Variants in NR2E1 observed in about 807,000 individuals in gnomAD.
The protein encoded by NR2E1 is nuclear receptor TLX.
A neutral mutation model predicts 43.6 loss-of-function variants in NR2E1; 5 were observed. The observed-to-expected ratio is 0.11, with a 90% confidence interval of 0.06 to 0.24. The LOEUF (loss-of-function observed/expected upper bound fraction) is 0.24, where lower values mean the gene tolerates loss of function less well. NR2E1 is among the 10% of genes least tolerant of loss of function. NR2E1 has a pLI of 1.00. For synonymous variants in NR2E1, 191 were observed against 195.5 expected, an observed-to-expected ratio of 0.98 and a Z score of 0.19; for missense variants, 287 against 496.7, an observed-to-expected ratio of 0.58 and a Z score of 4.01.
At position 108,171,601 on chromosome 6, in the gene NR2E1, C is replaced by G. The variant is rs1250714320; in HGVS notation, c.169C>G (p.Gln57Glu). 3 of 1,613,954 alleles carry G rather than the reference C, an allele frequency of 1.9e-6. No homozygotes were observed. Among genetic ancestry groups the G allele is most frequent in the Non-Finnish European group, 2.5e-6 (3 of 1,180,046 alleles). The change falls in exon 2 of 9, where the codon CAG (glutamine) becomes GAG (glutamate). Residue 57 changes from glutamine to glutamate, a missense_variant and splice_region_variant. Coordinates refer to ENST00000368986, the MANE Select transcript of NR2E1 (RefSeq NM_003269.5). ...GACCTATGTCTGCAAATCTGGAAAC[C>G]AGGTACCTTAGCCAGGGCTGCACTG... The part of the protein sequence containing the change: ...NRTYVCKSGN[Q>E]GGCPVDKTHR...
intron 4 of NR2E1, among the ~76,000 whole-genome samples, chr6:108,177,868 G>C (rs1773924806): frequency 6.6e-6 from 1 of 152,152 alleles, no homozygotes; most frequent in Non-Finnish European, 1.5e-5. Flanking sequence ...GAAGGGAGAG[G>C]CTCCCAAAGA....
chr6:108,171,496 C>A lies in NR2E1; in HGVS notation c.64C>A (p.Arg22Ser), dbSNP rs915597525. The stretch of plus-strand genomic sequence containing the variant: ...TATCCCCTGCAAAGTGTGTGGCGAC[C>A]GCAGCTCGGGGAAGCACTACGGGGT... ...LDIPCKVCGD[R>S]SSGKHYGVYA... is the part of the protein sequence containing the mutation. Residue 22 changes from arginine (R) to serine (S), a missense_variant, in exon 2 of 9, where the codon CGC becomes AGC. Coordinates refer to ENST00000368986, the MANE Select transcript of NR2E1 (RefSeq NM_003269.5). 1 of 1,613,928 alleles carries A rather than the reference C, an allele frequency of 6.2e-7. No homozygotes were observed.
At chr6:108,171,858 T>C (rs1472244593) in intron 2 of NR2E1, among the ~76,000 whole-genome samples, 2 of 152,156 alleles carry the variant, frequency 1.3e-5, no homozygotes, top group Non-Finnish European at 2.9e-5. Flanking sequence ...TTTTAAATTA[T>C]TATTATTCTG....
rs141465060 is a variant in NR2E1, at chr6:108,169,189, G to T, written c.26-2269G>T. ...GCCCGCTATGCCCCGGAATTTTCGC[G>T]TCCCTCCCTCCTGGGCCCCGCCCCA... is the stretch of plus-strand genomic sequence containing the variant. On this transcript the variant is annotated intron_variant, in intron 1 of 8. Coordinates refer to ENST00000368986, the MANE Select transcript of NR2E1 (RefSeq NM_003269.5). The surrounding 1 kb of genome is among the most constrained non-coding windows in gnomAD (Gnocchi z 6.1). Among the ~76,000 whole-genome samples the T allele has an allele frequency of 2.0e-5, 3 of 152,160 alleles. No homozygotes were observed. The highest frequency in any genetic ancestry group is 2.1e-4 in the South Asian group (1 of 4,832).
chr6:108,179,205 A>G (rs1393190119), intron 5 of NR2E1: 1 of 152,186 alleles, frequency 6.6e-6, no homozygotes, highest in Admixed American at 6.5e-5. Flanking sequence ...TCTTGTTTTC[A>G]TGGCCTGCCC....
In NR2E1 at chr6:108,171,478, T is replaced by G; in HGVS notation, c.46T>G (p.Cys16Gly). The change falls in exon 2 of 9, where the codon TGC becomes GGC. Residue 16 changes from cysteine (C) to glycine (G), a missense_variant. Transcript: ENST00000368986. ...GSTSRILDIP[C>G]KVCGDRSSGK... ...TTCAGGCCGCATTTTAGATATCCCCTGCAAAGTGTGTGGCGACCGCAGCTC... is the reference window on the plus strand; with the variant it reads ...TTCAGGCCGCATTTTAGATATCCCCGGCAAAGTGTGTGGCGACCGCAGCTC... The G allele has an allele frequency of 6.2e-7, 1 of 1,613,928 alleles. No homozygotes were observed. Among genetic ancestry groups the G allele is most frequent in the Non-Finnish European group, 8.5e-7 (1 of 1,180,000 alleles).
rs766203121 is a variant in NR2E1 at position 108,182,241 on chromosome 6, CAAAAAAAAAAAA to C, written c.995+600_995+611del. On this transcript the variant is annotated intron_variant, in intron 8 of 8. Transcript: ENST00000368986. ...TGGGCGACAGAGCGAGACTCCGTCT[CAAAAAAAAAAAA>C]AAAAAAAAAGAAGCTCAAAGTGTAA... 5.4e-3 allele frequency among the ~76,000 whole-genome samples: 403 copies of C among 74,322 alleles called. 3 individuals carry two copies. Among genetic ancestry groups the C allele is most frequent in the African/African-American group, 0.016 (371 of 23,612 alleles). 48.8% of individuals were successfully genotyped at this position (74,322 alleles called of 152,430 possible).
In NR2E1 at chr6:108,169,890, T is replaced by C. The variant is rs1213579075; in HGVS notation, c.26-1568T>C. Among the ~76,000 whole-genome samples, 3 of 152,044 alleles carry C rather than the reference T, an allele frequency of 2.0e-5. No individual in the cohort carries two copies. Among genetic ancestry groups the C allele is most frequent in the Non-Finnish European group, 4.4e-5 (3 of 67,982 alleles). ...TTTTGACGGGTCACTGGTGGCTCTATAGGCAGGTGCTGCCGCGGGGTTGTA... is the reference window on the plus strand; with the variant it reads ...TTTTGACGGGTCACTGGTGGCTCTACAGGCAGGTGCTGCCGCGGGGTTGTA... On this transcript the variant is annotated intron_variant, in intron 1 of 8. Coordinates refer to ENST00000368986, the MANE Select transcript of NR2E1 (RefSeq NM_003269.5). This position sits in a 1 kb window ranked among gnomAD's most constrained non-coding sequence, Gnocchi z 6.1.
Position 108,180,683 on chromosome 6 carries a change from A to G in NR2E1, c.740-124A>G, listed in dbSNP as rs1773969602. On this transcript the variant is annotated intron_variant, in intron 6 of 8. Coordinates refer to ENST00000368986, the MANE Select transcript of NR2E1 (RefSeq NM_003269.5). The surrounding 1 kb of genome is among the most constrained non-coding windows in gnomAD (Gnocchi z 5.4). ...CTTTCATACAATATAGCCGGTTTAC[A>G]TGGAATCAGATATCTTAGAGTGACA... The G allele has an allele frequency of 1.1e-6, 1 of 940,530 alleles. No homozygotes were observed. The highest frequency in any genetic ancestry group is 1.7e-6 in the Non-Finnish European group (1 of 595,918). The allele number at this position is 940,530 out of a possible 1,614,324, so 58.3% of individuals were successfully genotyped here. A position where few individuals can be genotyped will look rare whatever the true frequency, so the allele number is the denominator to read the frequency against.
Position 108,180,490 on chromosome 6 carries a change from A to G in NR2E1, c.739+71A>G. The G allele has an allele frequency of 9.5e-7, 1 of 1,057,522 alleles. No homozygotes were observed. Among genetic ancestry groups the G allele is most frequent in the Non-Finnish European group, 1.5e-6 (1 of 673,042 alleles). The allele number at this position is 1,057,522 out of a possible 1,614,324, so 65.5% of individuals were successfully genotyped here. The stretch of plus-strand genomic sequence containing the variant: ...AAAATACATTACTGAAAAAAGAACA[A>G]CATGTAAAGAATAACAAATTCCTGC... On this transcript the variant is annotated intron_variant, in intron 6 of 8. Coordinates refer to ENST00000368986, the MANE Select transcript of NR2E1 (RefSeq NM_003269.5). The surrounding 1 kb of genome is among the most constrained non-coding windows in gnomAD (Gnocchi z 5.4).
rs1351659552 is a variant in NR2E1 at position 108,187,394 on chromosome 6, C to CA, written c.1096dup (p.Thr366AsnfsTer19). The stretch of plus-strand genomic sequence containing the variant: ...CATCAACTATAGAAGAAGTGTTTTT[C>CA]AAAAAAACCATCGGCAATGTGCCAA... On this transcript the variant is annotated frameshift_variant, in exon 9 of 9. Transcript: ENST00000368986. LOFTEE classifies it high-confidence loss of function. 6.2e-7 allele frequency: 1 copy of CA among 1,613,870 alleles called. No homozygotes were observed. Among genetic ancestry groups the CA allele is most frequent in the Non-Finnish European group, 8.5e-7 (1 of 1,179,942 alleles).
At chr6:108,181,700 G>A in intron 8 of NR2E1, 49 bp downstream of exon 8, 1 of 1,374,330 alleles carries the variant, frequency 7.3e-7, no homozygotes, top group Non-Finnish European at 1.0e-6. Flanking sequence ...TGCCTCCATT[G>A]TGAATGCCTG....
rs1398408062 is a variant in NR2E1, at chr6:108,188,599, G to GA, written c.*1139dup. The GA allele has an allele frequency of 6.7e-6, 1 of 150,078 alleles. No homozygotes were observed. Among genetic ancestry groups the GA allele is most frequent in the Admixed American group, 6.7e-5 (1 of 15,004 alleles). 9.3% of individuals were successfully genotyped at this position (150,078 alleles called of 1,614,324 possible). A position where few individuals can be genotyped will look rare whatever the true frequency, so the allele number is the denominator to read the frequency against. ...CCTTTGGTATGACTCTATACTTATG[G>GA]AAATGTAGAAACAAACATTTTTAAA... On this transcript the variant is annotated 3_prime_UTR_variant, in exon 9 of 9. Transcript: ENST00000368986.
chr6:108,174,786 C>A, intron 2 of NR2E1, 50 bp from the exon 3 acceptor site: 2 of 1,534,398 alleles, frequency 1.3e-6, no homozygotes, highest in Non-Finnish European at 1.8e-6. Flanking sequence ...GGCTCCGGGT[C>A]TCCAGCCTAA....
intron 7 of NR2E1, 76 bp downstream of exon 7, chr6:108,181,032 G>T: frequency 6.7e-7 from 1 of 1,486,650 alleles, no homozygotes; most frequent in South Asian, 1.1e-5. Flanking sequence ...CTCGAAGTCT[G>T]AACTGACCTT....
At chr6:108,181,069 G>A (rs1352259603) in intron 7 of NR2E1, 113 bp downstream of exon 7, 3 of 1,140,608 alleles carry the variant, frequency 2.6e-6, no homozygotes, top group African/African-American at 1.5e-5. Flanking sequence ...GGTTTTCAAG[G>A]GAGCTGATAC....
At chr6:108,168,070 C>T (rs779955537) in intron 1 of NR2E1, 1 of 1,603,108 alleles carries the variant, frequency 6.2e-7, no homozygotes, top group Non-Finnish European at 8.5e-7. Context: ...GAGCCCTCAC[C>T]GCGGCCGGAA....
chr6:108,184,706 CT>C (rs1313610396), intron 8 of NR2E1, among the ~76,000 whole-genome samples: 1 of 152,100 alleles, frequency 6.6e-6, no homozygotes, highest in South Asian at 2.1e-4. Context: ...GTGCCAGGAG[CT>C]GCTGATAGGG....
rs547204885 is a variant in NR2E1 at position 108,186,548 on chromosome 6, A to G, written c.996-753A>G. On this transcript the variant is annotated intron_variant, in intron 8 of 8. Coordinates refer to ENST00000368986, the MANE Select transcript of NR2E1 (RefSeq NM_003269.5). ...CATTTCAGTGGAGGGAGCTCTCCTT[A>G]TGTATATTGATATCTAATTCTAACT... 1.6e-4 allele frequency among the ~76,000 whole-genome samples: 24 copies of G among 152,226 alleles called. No homozygotes were observed. The South Asian group carries it at 4.4e-3, about 28-fold the overall frequency.
Sources: allele counts gnomAD v4.1 joint callset (sites outside exome capture counted in the v4.1 genomes callset), GRCh38; gene constraint gnomAD v4.1.1; non-coding constraint Gnocchi (gnomAD v3.1); transcripts MANE v1.5; gene names NCBI Gene and HGNC (gene_info 2026-07-23, HGNC 2026-07-21).